The following PEAK1 variants were observed in gnomAD, a reference collection of about 807,000 sequenced individuals.
PEAK1 encodes inactive tyrosine-protein kinase PEAK1.
PEAK1 carries 54 observed loss-of-function variants against 124.7 expected under a neutral mutation model. The ratio of observed to expected loss-of-function variants is 0.43; its 90% confidence interval spans 0.35 to 0.54. The LOEUF (loss-of-function observed/expected upper bound fraction) is 0.54. PEAK1 is among the 20% of genes least tolerant of loss of function. The probability of loss-of-function intolerance (pLI) is 0.01; values close to 1 mark genes in which losing one functional copy is unlikely to be tolerated. For synonymous variants in PEAK1, 719 were observed against 760.0 expected (o/e 0.95, Z 0.89); for missense variants, 2,046 against 2,134.5 (o/e 0.96, Z 0.82).
chr15:77,185,833 G>T (rs1001146375), intron 6 of PEAK1, among the ~76,000 whole-genome samples: 1 of 152,098 alleles, frequency 6.6e-6, no homozygotes, highest in Non-Finnish European at 1.5e-5. Context: ...CAGGAAAGAG[G>T]AAAGAATCAC....
intron 2 of PEAK1, among the ~76,000 whole-genome samples, chr15:77,342,059 T>C (rs2066569028): frequency 1.3e-5 from 2 of 151,990 alleles, no homozygotes; most frequent in South Asian, 4.2e-4. Context: ...GGGCTTTTAG[T>C]AATCTTTATA....
intron 5 of PEAK1, among the ~76,000 whole-genome samples, chr15:77,273,616 G>A (rs1022108523): frequency 5.9e-5 from 9 of 152,116 alleles, no homozygotes; most frequent in Admixed American, 5.9e-4. Context: ...AAACACTGCT[G>A]AAAGAAATTA....
chr15:77,237,223 T>C (rs1387657345), intron 6 of PEAK1, among the ~76,000 whole-genome samples: 2 of 152,174 alleles, frequency 1.3e-5, no homozygotes, highest in African/African-American at 4.8e-5. Flanking sequence ...AAAATATTTC[T>C]ACAAGATAAA....
intron 2 of PEAK1, among the ~76,000 whole-genome samples, chr15:77,290,828 C>T (rs1410965920): frequency 6.6e-6 from 1 of 152,012 alleles, no homozygotes; most frequent in African/African-American, 2.4e-5. Context: ...AAGCATTCAC[C>T]CTAATACCTT....
rs115161023 is a variant in PEAK1 at position 77,116,056 on chromosome 15, T to C, written c.4078-737A>G. ...ACTATTGAGGCAATAAAACCTTTCA[T>C]AAAGAACTTTACTAAGTGGTTATGG... On this transcript the variant is annotated intron_variant, in intron 9 of 9. Transcript: ENST00000682557. 7.6e-3 allele frequency among the ~76,000 whole-genome samples: 1,158 copies of C among 152,270 alleles called. 16 individuals are homozygous for C. Among genetic ancestry groups the C allele is most frequent in the African/African-American group, 0.026 (1,090 of 41,536 alleles).
At chr15:77,104,580 T>G (rs1301551519), downstream of PEAK1, 1 of 152,344 alleles carries the variant, frequency 6.6e-6, no homozygotes. Context: ...GTGGAGCTGC[T>G]GCAACATCTG....
At chr15:77,117,427 A>G (rs1465071295) in intron 9 of PEAK1, among the ~76,000 whole-genome samples, 3 of 152,260 alleles carry the variant, frequency 2.0e-5, no homozygotes, top group Admixed American at 1.3e-4. Flanking sequence ...GTACATCTGT[A>G]AACTACAAAG....
At chr15:77,281,938 C>A (rs1387965871) in intron 5 of PEAK1, among the ~76,000 whole-genome samples, 1 of 152,140 alleles carries the variant, frequency 6.6e-6, no homozygotes, top group Admixed American at 6.5e-5. Flanking sequence ...TGAATCAACC[C>A]ATTTAATTCT....
intron 1 of PEAK1, chr15:77,401,612 ATATCTTTG>A: frequency 1.0e-6 from 1 of 984,540 alleles, no homozygotes; most frequent in Non-Finnish European, 1.2e-6. Flanking sequence ...AGCTACAAAC[ATATCTTTG>A]TATTTTCCAC....
intron 4 of PEAK1, 130 bp downstream of exon 4, chr15:77,284,828 T>C (rs2062838138): frequency 6.6e-6 from 1 of 151,356 alleles, no homozygotes; most frequent in African/African-American, 2.4e-5. Flanking sequence ...GGTGGGCGGA[T>C]TACAAGGTCA....
intron 1 of PEAK1, among the ~76,000 whole-genome samples, chr15:77,380,639 CA>C (rs1236622973): frequency 1.3e-5 from 2 of 151,910 alleles, no homozygotes; most frequent in African/African-American, 2.4e-5. Context: ...ACACTATGCC[CA>C]GTTAATTTTT....
At chr15:77,176,636 C>T (rs1043201899) in intron 7 of PEAK1, among the ~76,000 whole-genome samples, 4 of 152,194 alleles carry the variant, frequency 2.6e-5, no homozygotes, top group African/African-American at 7.2e-5. Context: ...CTTCAAAAAA[C>T]GGATACATTT....
chr15:77,286,881 C>T (rs535827405), intron 2 of PEAK1, among the ~76,000 whole-genome samples: 1 of 152,068 alleles, frequency 6.6e-6, no homozygotes, highest in Non-Finnish European at 1.5e-5. Context: ...TCCTACAGTT[C>T]TTAACCTTTT....
At chr15:77,202,286 C>T (rs2058398796) in intron 6 of PEAK1, among the ~76,000 whole-genome samples, 1 of 152,138 alleles carries the variant, frequency 6.6e-6, no homozygotes, top group Non-Finnish European at 1.5e-5. Context: ...GCCGACCCCT[C>T]ATGTGATAAA....
intron 2 of PEAK1, among the ~76,000 whole-genome samples, chr15:77,324,959 T>TA (rs1214207365): frequency 4.6e-5 from 7 of 152,024 alleles, no homozygotes; most frequent in East Asian, 3.9e-4. Context: ...ACAATCCATG[T>TA]AAAAAAAACT....
rs537087367 is a variant in PEAK1, at chr15:77,304,683, C to T, written c.-602-18179G>A. ...CAGGATGGTCTCCATCTCCTGACCT[C>T]GTGATCTGCTGCCTCGGCCTCCCAA... On this transcript the variant is annotated intron_variant, in intron 2 of 9. Coordinates refer to ENST00000682557, the MANE Select transcript of PEAK1 (RefSeq NM_001385026.1). Among the ~76,000 whole-genome samples the T allele has an allele frequency of 6.6e-5, 10 of 152,118 alleles. No individual in the cohort carries two copies. The South Asian group carries it at 1.5e-3, about 22-fold the overall frequency.
At chr15:77,336,289 C>T (rs1411788566) in intron 2 of PEAK1, 1 of 985,264 alleles carries the variant, frequency 1.0e-6, no homozygotes, top group African/African-American at 1.7e-5. Flanking sequence ...CTAAACTGTC[C>T]ACATGGCTGG....
chr15:77,203,970 G>A (rs1282198970), intron 6 of PEAK1, among the ~76,000 whole-genome samples: 1 of 152,162 alleles, frequency 6.6e-6, no homozygotes, highest in Non-Finnish European at 1.5e-5. Context: ...TGAAGAAAAT[G>A]AGAACACAAG....
intron 1 of PEAK1, among the ~76,000 whole-genome samples, chr15:77,407,271 G>A (rs2071907863): frequency 6.6e-6 from 1 of 152,054 alleles, no homozygotes; most frequent in African/African-American, 2.4e-5. Flanking sequence ...TAAATAGGCG[G>A]AACTTAAATA....
Sources: gnomAD v4.1 joint callset for allele counts (sites outside exome capture counted in the v4.1 genomes callset) on GRCh38, gnomAD v4.1.1 for gene constraint, MANE v1.5 for transcripts, NCBI Gene and HGNC (gene_info 2026-07-23, HGNC 2026-07-21) for gene names.